Variants in ENO2 observed in about 807,000 individuals in gnomAD.
ENO2 encodes the protein enolase 2, also known as gamma-enolase.
ENO2 carries 19 observed loss-of-function variants against 48.7 expected under a neutral mutation model. The observed-to-expected ratio is 0.39, with a 90% CI of 0.27 to 0.57. ENO2 has a LOEUF of 0.57. Ranked by LOEUF, ENO2 falls within the 20% of genes least tolerant of loss-of-function variation. ENO2 has a pLI of 0.58. For missense variants in ENO2, 416 were observed against 555.0 expected, an observed-to-expected ratio of 0.75 and a Z score of 2.52; for synonymous variants, 198 against 213.4, an observed-to-expected ratio of 0.93 and a Z score of 0.63.
At chr12:6,915,625 A>C in intron 1 of ENO2, 196 bp from the exon 2 acceptor site, 1 of 537,682 alleles carries the variant, frequency 1.9e-6, no homozygotes, top group Non-Finnish European at 3.4e-6. Flanking sequence ...CACTGCATTG[A>C]CCTTCTCCTC....
chr12:6,921,329 GTTGCAGTGAGCTGAGA>G (rs1374305981), intron 8 of ENO2, among the ~76,000 whole-genome samples: 1 of 151,892 alleles, frequency 6.6e-6, no homozygotes, highest in Admixed American at 6.6e-5. Flanking sequence ...GGAGGTGGAG[GTTGCAGTGAGCTGAGA>G]TTGTGCCACT....
chr12:6,915,913 CA>C lies in ENO2; in HGVS notation c.84del (p.Gly29ValfsTer21). The part of the protein sequence containing the change: ...PTVEVDLYTA[K>X]GLFRAAVPSG... ...CAGTGGAGGTGGATCTCTATACTGC[CA>C]AAGGTAATGGGTGTGGCATGGGCCT... On this transcript the variant is annotated frameshift_variant, in exon 2 of 12. Coordinates refer to ENST00000229277, the MANE Select transcript of ENO2 (RefSeq NM_001975.3). LOFTEE classifies it high-confidence loss of function. 1 of 1,614,000 alleles carries C rather than the reference CA, an allele frequency of 6.2e-7. No homozygotes were observed.
At chr12:6,917,202 A>G in intron 5 of ENO2, 95 bp downstream of exon 5, 2 of 1,466,284 alleles carry the variant, frequency 1.4e-6, no homozygotes, top group South Asian at 2.4e-5. Flanking sequence ...TGGCTTCCTC[A>G]GGAATGACTG....
intron 9 of ENO2, 101 bp from the exon 10 acceptor site, chr12:6,921,955 A>G (rs1945344967): frequency 1.3e-6 from 2 of 1,550,010 alleles, no homozygotes; most frequent in African/African-American, 2.7e-5. Flanking sequence ...CCCCTCCCAG[A>G]TAGCTTTCCC....
intron 8 of ENO2, among the ~76,000 whole-genome samples, chr12:6,920,904 A>G (rs782501132): frequency 3.0e-4 from 45 of 149,890 alleles, no homozygotes; most frequent in Admixed American, 1.5e-3. Context: ...CGATTCTCTT[A>G]GCCTCCCAAG....
chr12:6,917,332 TGA>T (rs1262980940), intron 5 of ENO2: 2 of 704,760 alleles, frequency 2.8e-6, no homozygotes, highest in Admixed American at 5.9e-5. Context: ...GGGGATGGCC[TGA>T]GAGAGTCTGT....
chr12:6,919,535 G>A, intron 7 of ENO2, 31 bp from the exon 8 acceptor site: 3 of 1,612,346 alleles, frequency 1.9e-6, no homozygotes, highest in South Asian at 1.1e-5. Flanking sequence ...CCTCCTGCTT[G>A]TACTATAATC....
At chr12:6,919,470 A>C (rs1555141912) in intron 7 of ENO2, 96 bp from the exon 8 acceptor site, 2 of 1,367,854 alleles carry the variant, frequency 1.5e-6, no homozygotes, top group African/African-American at 1.4e-5. Context: ...CCTCAGGAAC[A>C]GCCCTCCACC....
intron 6 of ENO2, 48 bp from the exon 7 acceptor site, chr12:6,917,892 G>A (rs971059847): frequency 4.4e-5 from 70 of 1,604,666 alleles, no homozygotes; most frequent in Non-Finnish European, 5.3e-5. Context: ...CTCCTGGGGC[G>A]GGCAGGGAGG....
At position 6,917,600 on chromosome 12, in the gene ENO2, C is replaced by T; in HGVS notation, c.330C>T (p.Ala110=). The T allele has an allele frequency of 3.7e-6, 6 of 1,613,306 alleles. No individual in the cohort carries two copies. Among genetic ancestry groups the T allele is most frequent in the Non-Finnish European group, 5.1e-6 (6 of 1,179,580 alleles). Residue 110 remains alanine (A), a synonymous_variant, in exon 6 of 12, where the codon GCC becomes GCT. Transcript: ENST00000229277. Reference sequence around the variant, plus strand: ...TCCTAGCCAAGTTTGGGGCCAATGCCATCCTGGGTGTGTCTCTGGCCGTGT... The same window carrying T: ...TCCTAGCCAAGTTTGGGGCCAATGCTATCCTGGGTGTGTCTCTGGCCGTGT... The part of the protein sequence containing the change: ...TENKSKFGAN[A]ILGVSLAVCK...
rs1209164800 is a variant in ENO2, at chr12:6,922,077, T to C, written c.1089T>C (p.Asn363=). The C allele has an allele frequency of 1.2e-6, 2 of 1,614,044 alleles. No homozygotes were observed. Among genetic ancestry groups the C allele is most frequent in the African/African-American group, 2.7e-5 (2 of 74,982 alleles). Residue 363 remains asparagine (N), a synonymous_variant, in exon 10 of 12, where the codon AAT becomes AAC. Coordinates refer to ENST00000229277, the MANE Select transcript of ENO2 (RefSeq NM_001975.3). This position sits in a 1 kb window ranked among gnomAD's most constrained non-coding sequence, Gnocchi z 5.3. ...ACAGGTGCAAGCTGGCCCAGGAGAA[T>C]GGCTGGGGGGTCATGGTGAGTCATC... ...AIQACKLAQE[N]GWGVMVSHRS... is the part of the protein sequence containing the mutation.
Position 6,916,050 on chromosome 12 carries a change from G to A in ENO2, c.85+133G>A. On this transcript the variant is annotated intron_variant, in intron 2 of 11. Transcript: ENST00000229277. This position sits in a 1 kb window ranked among gnomAD's most constrained non-coding sequence, Gnocchi z 4.5. ...TGGGCCAGGCTCACAAGCCTGGGTTGTGGCGGTTGGATCCTCCTTGTCCGG... is the reference window on the plus strand; with the variant it reads ...TGGGCCAGGCTCACAAGCCTGGGTTATGGCGGTTGGATCCTCCTTGTCCGG... 2.2e-6 allele frequency: 2 copies of A among 906,122 alleles called. No individual in the cohort carries two copies. The highest frequency in any genetic ancestry group is 3.4e-6 in the Non-Finnish European group (2 of 584,284). The allele number at this position is 906,122 out of a possible 1,614,324, so 56.1% of individuals were successfully genotyped here.
chr12:6,916,796 G>A lies in ENO2; in HGVS notation c.240+67G>A. 1.3e-6 allele frequency: 2 copies of A among 1,596,108 alleles called. No homozygotes were observed. Among genetic ancestry groups the A allele is most frequent in the Non-Finnish European group, 1.7e-6 (2 of 1,167,354 alleles). ...TGGAAGGAATCCCGGAGCAGGGCAG[G>A]AGGAAGGGAAGAAAGAAGGCCCACT... On this transcript the variant is annotated intron_variant, in intron 4 of 11. Transcript: ENST00000229277. This position sits in a 1 kb window ranked among gnomAD's most constrained non-coding sequence, Gnocchi z 4.5.
intron 1 of ENO2, 63 bp from the exon 2 acceptor site, chr12:6,915,758 G>A: frequency 1.2e-6 from 1 of 853,358 alleles, no homozygotes; most frequent in Admixed American, 2.0e-5. Context: ...CCCGCCCATT[G>A]ATCTCAGGCT....
At position 6,917,792 on chromosome 12, in the gene ENO2, G is replaced by A. The variant is rs1195305130; in HGVS notation, c.444+78G>A. On this transcript the variant is annotated intron_variant, in intron 6 of 11. Coordinates refer to ENST00000229277, the MANE Select transcript of ENO2 (RefSeq NM_001975.3). ...ATGCAACTCATGAGGAATGATGGGA[G>A]GAAAGTGAATTGAGGGAGGTAAAGA... The A allele has an allele frequency of 3.8e-6, 6 of 1,597,900 alleles. No homozygotes were observed. The East Asian group carries it at 1.3e-4, about 36-fold the overall frequency.
rs781881707 is a variant in ENO2, at chr12:6,922,438, T to A, written c.1235+36T>A. ...CTGGGGTGGGAGCCCCTGGCCCAGA[T>A]GGCTAAAGGCCCCATTTGCCTGCCA... On this transcript the variant is annotated intron_variant, in intron 11 of 11. Transcript: ENST00000229277. This position sits in a 1 kb window ranked among gnomAD's most constrained non-coding sequence, Gnocchi z 5.3. 1 of 1,613,590 alleles carries A rather than the reference T, an allele frequency of 6.2e-7. No homozygotes were observed. The highest frequency in any genetic ancestry group is 1.1e-5 in the South Asian group (1 of 91,068).
rs1555142315 is a variant in ENO2, at chr12:6,923,541, G to A, written c.*741G>A. On this transcript the variant is annotated 3_prime_UTR_variant, in exon 12 of 12. Coordinates refer to ENST00000229277, the MANE Select transcript of ENO2 (RefSeq NM_001975.3). Reference sequence around the variant, plus strand: ...TCCAGAGCGGAGGCTGTGTGCCTGGGGGAGTTTTCCTCTATACATCTCTCC... The same window carrying A: ...TCCAGAGCGGAGGCTGTGTGCCTGGAGGAGTTTTCCTCTATACATCTCTCC... The A allele has an allele frequency of 6.6e-6, 1 of 152,134 alleles. No individual in the cohort carries two copies. The highest frequency in any genetic ancestry group is 1.5e-5 in the Non-Finnish European group (1 of 68,060). 9.4% of individuals were successfully genotyped at this position (152,134 alleles called of 1,614,324 possible).
rs1945346553 is a variant in ENO2 at position 6,922,114 on chromosome 12, A to T, written c.1126A>T (p.Thr376Ser). 1 of 1,613,908 alleles carries T rather than the reference A, an allele frequency of 6.2e-7. No homozygotes were observed. Among genetic ancestry groups the T allele is most frequent in the Non-Finnish European group, 8.5e-7 (1 of 1,179,994 alleles). ...GVMVSHRSGE[T>S]EDTFIADLVV... ...CATGGTGAGTCATCGCTCAGGAGAG[A>T]CTGAGGACACATTCATTGCTGACCT... is the stretch of plus-strand genomic sequence containing the variant. The change falls in exon 10 of 12, where the codon ACT (threonine) becomes TCT (serine). Residue 376 changes from threonine to serine, a missense_variant. Transcript: ENST00000229277. This position sits in a 1 kb window ranked among gnomAD's most constrained non-coding sequence, Gnocchi z 5.3.
Position 6,922,879 on chromosome 12 carries a change from C to T in ENO2, c.*79C>T. ...GCTGTCCTGATCTGTGATAGTTCAC[C>T]CCCTGAGATCCCCTGAGCCCCAGGG... is the stretch of plus-strand genomic sequence containing the variant. On this transcript the variant is annotated 3_prime_UTR_variant, in exon 12 of 12. Transcript: ENST00000229277. The surrounding 1 kb of genome is among the most constrained non-coding windows in gnomAD (Gnocchi z 5.3). The T allele has an allele frequency of 6.7e-7, 1 of 1,489,968 alleles. No individual in the cohort carries two copies. Among genetic ancestry groups the T allele is most frequent in the Non-Finnish European group, 9.3e-7 (1 of 1,073,848 alleles). The allele number at this position is 1,489,968 out of a possible 1,614,324, so 92.3% of individuals were successfully genotyped here.
Sources: gnomAD v4.1 joint callset for allele counts (sites outside exome capture counted in the v4.1 genomes callset) on GRCh38, gnomAD v4.1.1 for gene constraint, Gnocchi (gnomAD v3.1) non-coding constraint, MANE v1.5 for transcripts, NCBI Gene and HGNC (gene_info 2026-07-23, HGNC 2026-07-21) for gene names.